PEX14: variants seen among roughly 807,000 people sequenced by gnomAD.
PEX14 encodes the protein peroxisomal biogenesis factor 14.
A neutral mutation model predicts 49.5 loss-of-function variants in PEX14; 15 were observed. The ratio of observed to expected loss-of-function variants is 0.30; its 90% CI spans 0.20 to 0.47. The LOEUF (loss-of-function observed/expected upper bound fraction) is 0.47, where lower values mean the gene tolerates loss of function less well. PEX14 is among the 20% of genes least tolerant of loss of function. PEX14 has a pLI of 1.00. For synonymous variants in PEX14, 210 were observed against 212.7 expected, an observed-to-expected ratio of 0.99 and a Z score of 0.11; for missense variants, 398 against 494.8, an observed-to-expected ratio of 0.80 and a Z score of 1.86.
chr1:10,547,485 C>T (rs536663404), intron 3 of PEX14, among the ~76,000 whole-genome samples: 75 of 152,250 alleles, frequency 4.9e-4, no homozygotes, highest in African/African-American at 1.7e-3. Flanking sequence ...ACGGAGGAGA[C>T]GTTCCAAGAC....
rs527342691 is a variant in PEX14 at position 10,514,519 on chromosome 1, C to T, written c.84+19198C>T. Among the ~76,000 whole-genome samples, 8 of 152,238 alleles carry T rather than the reference C, an allele frequency of 5.3e-5. No individual in the cohort carries two copies. Among genetic ancestry groups the T allele is most frequent in the African/African-American group, 1.7e-4 (7 of 41,540 alleles). On this transcript the variant is annotated intron_variant, in intron 2 of 8. Coordinates refer to ENST00000356607, the MANE Select transcript of PEX14 (RefSeq NM_004565.3). This position sits in a 1 kb window ranked among gnomAD's most constrained non-coding sequence, Gnocchi z 4.4. ...ATACCTTATTTTGTTCAAGGTTCCA[C>T]GTTCACACAGGAACTTTGGGCCTAA...
At chr1:10,614,705 A>G (rs902559838) in intron 4 of PEX14, among the ~76,000 whole-genome samples, 2 of 152,208 alleles carry the variant, frequency 1.3e-5, no homozygotes, top group African/African-American at 4.8e-5. Context: ...TGAATATGGT[A>G]TTCGGGCCGT....
chr1:10,512,823 G>A lies in PEX14; in HGVS notation c.84+17502G>A, dbSNP rs1022442057. Among the ~76,000 whole-genome samples the A allele has an allele frequency of 6.6e-6, 1 of 152,000 alleles. No homozygotes were observed. Among genetic ancestry groups the A allele is most frequent in the African/African-American group, 2.4e-5 (1 of 41,382 alleles). On this transcript the variant is annotated intron_variant, in intron 2 of 8. Transcript: ENST00000356607. The surrounding 1 kb of genome is among the most constrained non-coding windows in gnomAD (Gnocchi z 4.6). ...AAGCGATTCCCTGCCTCAGCCTCCT[G>A]AGTAGCTGGGACTACAGGCGTGTGC...
At chr1:10,521,793 T>G (rs185742522) in intron 2 of PEX14, among the ~76,000 whole-genome samples, 4 of 152,354 alleles carry the variant, frequency 2.6e-5, no homozygotes, top group African/African-American at 7.2e-5. Context: ...TTATATACTT[T>G]TAACCTTCTG....
At chr1:10,496,985 TA>T (rs909515291) in intron 2 of PEX14, among the ~76,000 whole-genome samples, 159 of 151,712 alleles carry the variant, frequency 1.0e-3, no homozygotes, top group African/African-American at 3.6e-3. Context: ...AAATAATAAT[TA>T]AAAAAACCCC....
intron 1 of PEX14, among the ~76,000 whole-genome samples, chr1:10,479,194 T>A (rs1186890830): frequency 1.3e-5 from 2 of 151,878 alleles, no homozygotes; most frequent in Admixed American, 6.6e-5. Context: ...CTTTGCAATA[T>A]AGGGAGACCT....
At position 10,563,078 on chromosome 1, in the gene PEX14, ATTTTTT is replaced by A. The variant is rs70997252; in HGVS notation, c.169+26795_169+26800del. 5.4e-5 allele frequency among the ~76,000 whole-genome samples: 7 copies of A among 129,534 alleles called. No homozygotes were observed. The East Asian group carries it at 9.4e-4, about 17-fold the overall frequency. 85.0% of individuals were successfully genotyped at this position (129,534 alleles called of 152,430 possible). The stretch of plus-strand genomic sequence containing the variant: ...AGGTGCACACCACCATGCCTGGCTA[ATTTTTT>A]TTTTTTTTTTTTTGGTAGAGGCGGG... On this transcript the variant is annotated intron_variant, in intron 3 of 8. Coordinates refer to ENST00000356607, the MANE Select transcript of PEX14 (RefSeq NM_004565.3).
chr1:10,602,819 G>T (rs532937215), intron 4 of PEX14, among the ~76,000 whole-genome samples: 4 of 152,368 alleles, frequency 2.6e-5, no homozygotes, highest in South Asian at 2.1e-4. Flanking sequence ...GGCATTGTCT[G>T]CGTCGGGAGG....
chr1:10,480,327 C>CACCTGCCT, intron 1 of PEX14, among the ~76,000 whole-genome samples: 1 of 151,320 alleles, frequency 6.6e-6, no homozygotes, highest in African/African-American at 2.4e-5. Context: ...TCTCCTGCTT[C>CACCTGCCT]ACCTGCCTCA....
At chr1:10,489,011 G>A (rs551413719) in intron 1 of PEX14, among the ~76,000 whole-genome samples, 1 of 151,838 alleles carries the variant, frequency 6.6e-6, no homozygotes, top group African/African-American at 2.4e-5. Flanking sequence ...ACTGAGTTTT[G>A]CTCTTGTTGC....
chr1:10,563,917 G>GA (rs61569304), intron 3 of PEX14, among the ~76,000 whole-genome samples: 118,716 of 148,330 alleles, frequency 0.8, 48,380 homozygotes, highest in East Asian at 0.95. Flanking sequence ...TCTCAAAAAA[G>GA]AAAAAAAAAA....
chr1:10,553,441 G>A (rs987408611), intron 3 of PEX14, among the ~76,000 whole-genome samples: 2 of 152,218 alleles, frequency 1.3e-5, no homozygotes, highest in Non-Finnish European at 2.9e-5. Flanking sequence ...GTCAGGCAGT[G>A]GCGCTGGCTT....
intron 4 of PEX14, among the ~76,000 whole-genome samples, chr1:10,612,017 C>T (rs113893024): frequency 0.01 from 1,569 of 152,148 alleles, 21 homozygotes; most frequent in African/African-American, 0.036. Context: ...CAGTTTTTTC[C>T]TTTTTGGTTC....
chr1:10,518,869 A>T (rs941325158), intron 2 of PEX14, among the ~76,000 whole-genome samples: 1 of 152,164 alleles, frequency 6.6e-6, no homozygotes, highest in Admixed American at 6.5e-5. Flanking sequence ...TACAGTGCTC[A>T]GCTTGTTAGT....
At chr1:10,476,117 G>A (rs1349500067) in intron 1 of PEX14, among the ~76,000 whole-genome samples, 1 of 152,150 alleles carries the variant, frequency 6.6e-6, no homozygotes, top group African/African-American at 2.4e-5. Context: ...AGAGTTTTCA[G>A]CAACTTACTA....
At chr1:10,513,653 A>G (rs529126851) in intron 2 of PEX14, among the ~76,000 whole-genome samples, 1 of 152,300 alleles carries the variant, frequency 6.6e-6, no homozygotes. Context: ...TGGCCTGCTC[A>G]TTCCTTGGCT....
intron 4 of PEX14, 138 bp from the exon 5 acceptor site, chr1:10,618,194 T>G (rs1210363688): frequency 2.9e-6 from 2 of 684,226 alleles, no homozygotes; most frequent in Admixed American, 4.1e-5. Flanking sequence ...GATCATGTGC[T>G]GCCTTCCTGC....
At chr1:10,548,539 T>A (rs4846230) in intron 3 of PEX14, among the ~76,000 whole-genome samples, 36 of 152,012 alleles carry the variant, frequency 2.4e-4, no homozygotes, top group African/African-American at 8.0e-4. Context: ...TCAACACTTT[T>A]GAGCTGATGT....
chr1:10,579,748 G>A (rs1640257176), intron 3 of PEX14, among the ~76,000 whole-genome samples: 1 of 152,100 alleles, frequency 6.6e-6, no homozygotes, highest in African/African-American at 2.4e-5. Flanking sequence ...TGGGAGTGTA[G>A]CAGTGAGGAC....
Sources: allele counts gnomAD v4.1 joint callset (sites outside exome capture counted in the v4.1 genomes callset), GRCh38; gene constraint gnomAD v4.1.1; non-coding constraint Gnocchi (gnomAD v3.1); transcripts MANE v1.5; gene names NCBI Gene and HGNC (gene_info 2026-07-23, HGNC 2026-07-21).